Variants in ATXN7 observed in about 807,000 individuals in gnomAD.
ATXN7 encodes ataxin 7, also known as ataxin-7.
A neutral mutation model predicts 70.5 loss-of-function variants in ATXN7; 12 were observed. The ratio of observed to expected loss-of-function variants is 0.17; its 90% CI spans 0.11 to 0.28. The LOEUF (loss-of-function observed/expected upper bound fraction) is 0.28, where lower values mean the gene tolerates loss of function less well. Among genes scored for constraint, ATXN7 ranks in the 10% least tolerant of loss-of-function variants. ATXN7 has a pLI of 1.00. For synonymous variants in ATXN7, 498 were observed against 448.7 expected, an observed-to-expected ratio of 1.11 and a Z score of -1.39; for missense variants, 1,256 against 1,131.7, an observed-to-expected ratio of 1.11 and a Z score of -1.58.
At chr3:63,867,340 T>C (rs1319157813) in intron 1 of ATXN7, among the ~76,000 whole-genome samples, 1 of 152,162 alleles carries the variant, frequency 6.6e-6, no homozygotes, top group Non-Finnish European at 1.5e-5. Context: ...TCTTTCTTCT[T>C]TTTTCCTTTT....
intron 1 of ATXN7, among the ~76,000 whole-genome samples, chr3:63,881,763 C>T (rs964714450): frequency 4.6e-5 from 7 of 152,180 alleles, no homozygotes; most frequent in Non-Finnish European, 1.0e-4. Flanking sequence ...GTTGGGATTA[C>T]AGGCGTGAGC....
chr3:63,863,610 G>A (rs1398985595), upstream of ATXN7: 14 of 1,195,554 alleles, frequency 1.2e-5, no homozygotes, highest in African/African-American at 3.2e-5. Flanking sequence ...AAGCAGCCGG[G>A]GAGGCCCGGG....
chr3:63,892,505 A>C (rs965898345), intron 1 of ATXN7, among the ~76,000 whole-genome samples: 1 of 151,404 alleles, frequency 6.6e-6, no homozygotes, highest in African/African-American at 2.4e-5. Context: ...CCACACACAC[A>C]CACACACACC....
At chr3:63,977,878 G>C (rs1446522538) in intron 5 of ATXN7, among the ~76,000 whole-genome samples, 2 of 152,166 alleles carry the variant, frequency 1.3e-5, no homozygotes, top group African/African-American at 4.8e-5. Flanking sequence ...AAAATGTTGA[G>C]TTTTAAAAAA....
intron 8 of ATXN7, 64 bp from the exon 9 acceptor site, chr3:63,987,995 G>T: frequency 6.3e-7 from 1 of 1,583,966 alleles, no homozygotes; most frequent in Non-Finnish European, 8.6e-7. Context: ...GGTGTTTTGG[G>T]ATATAAGGCA....
Position 63,996,406 on chromosome 3 carries a change from G to T in ATXN7, c.2584G>T (p.Val862Leu), listed in dbSNP as rs3774729. ...CACAAAGGTTGCCAAAGTGCCAGCC[G>T]TGAACAATGTCCACATGAAACACAC... is the stretch of plus-strand genomic sequence containing the variant. Reference protein sequence around the residue: ...KPTKVAKVPAVNNVHMKHTGT... With the variant: ...KPTKVAKVPALNNVHMKHTGT... The change falls in exon 12 of 13, where the codon GTG becomes TTG. Residue 862 changes from valine to leucine, a missense_variant. Physicochemically the swap from Val to Leu is conservative, Grantham distance 32 (BLOSUM62 1). Coordinates refer to ENST00000674280, the MANE Select transcript of ATXN7 (RefSeq NM_001377405.1). 1.2e-6 allele frequency: 2 copies of T among 1,613,766 alleles called. No individual in the cohort carries two copies. Among genetic ancestry groups the T allele is most frequent in the Non-Finnish European group, 1.7e-6 (2 of 1,179,966 alleles).
At chr3:63,970,487 T>G (rs1311067878) in intron 5 of ATXN7, among the ~76,000 whole-genome samples, 1 of 152,206 alleles carries the variant, frequency 6.6e-6, no homozygotes, top group East Asian at 1.9e-4. Flanking sequence ...TCCCTATCAT[T>G]CCGTATTTTT....
intron 4 of ATXN7, among the ~76,000 whole-genome samples, chr3:63,930,189 G>T (rs1166432041): frequency 6.6e-6 from 1 of 152,160 alleles, no homozygotes; most frequent in Admixed American, 6.5e-5. Context: ...AAATTTACCA[G>T]CCCCTGTTCA....
intron 4 of ATXN7, among the ~76,000 whole-genome samples, chr3:63,945,561 G>A (rs751659846): frequency 3.3e-5 from 5 of 152,128 alleles, no homozygotes; most frequent in Non-Finnish European, 2.9e-5. Flanking sequence ...TCTGACTTAC[G>A]GTGGCATCAC....
At chr3:63,957,957 C>A (rs1473220315) in intron 5 of ATXN7, among the ~76,000 whole-genome samples, 3 of 151,964 alleles carry the variant, frequency 2.0e-5, no homozygotes, top group African/African-American at 7.3e-5. Context: ...AAGACAAATA[C>A]CCTTTGTCAC....
intron 6 of ATXN7, among the ~76,000 whole-genome samples, chr3:63,980,950 T>G (rs1200030262): frequency 6.6e-6 from 1 of 152,162 alleles, no homozygotes. Flanking sequence ...CTCAGTAGAT[T>G]GACAGGTTTC....
intron 1 of ATXN7, among the ~76,000 whole-genome samples, chr3:63,883,393 A>G (rs1477383016): frequency 2.0e-5 from 3 of 152,154 alleles, no homozygotes; most frequent in Non-Finnish European, 4.4e-5. Context: ...GAGGTGAAGA[A>G]TTGTCCAGTG....
chr3:63,889,590 G>A (rs1377331134), intron 1 of ATXN7, among the ~76,000 whole-genome samples: 11 of 152,244 alleles, frequency 7.2e-5, no homozygotes, highest in African/African-American at 2.2e-4. Context: ...GACAAAATAC[G>A]GAGAATATTC....
chr3:63,959,652 TTCTC>T (rs2075093164), intron 5 of ATXN7, among the ~76,000 whole-genome samples: 1 of 152,232 alleles, frequency 6.6e-6, no homozygotes, highest in Admixed American at 6.5e-5. Flanking sequence ...TAAAGGTTTA[TTCTC>T]TCTCAGCTAA....
Position 63,952,835 on chromosome 3 carries a change from C to CTTTTTTTTTTTTTTTTTTT in ATXN7, c.499+365_499+383dup, listed in dbSNP as rs59256288. ...ACACTCACAATATGGATGCATGGGCCTTTTTTTTTTTTTTTTTTTTTTTTT... is the reference window on the plus strand; with the variant it reads ...ACACTCACAATATGGATGCATGGGCCTTTTTTTTTTTTTTTTTTTTTTTTTTTTTTTTTTTTTTTTTTTT... On this transcript the variant is annotated intron_variant, in intron 5 of 12. Coordinates refer to ENST00000674280, the MANE Select transcript of ATXN7 (RefSeq NM_001377405.1). Among the ~76,000 whole-genome samples the CTTTTTTTTTTTTTTTTTTT allele has an allele frequency of 2.2e-4, 11 of 49,162 alleles. 2 individuals carry two copies. Among genetic ancestry groups the CTTTTTTTTTTTTTTTTTTT allele is most frequent in the African/African-American group, 6.1e-4 (6 of 9,806 alleles). 32.3% of individuals were successfully genotyped at this position (49,162 alleles called of 152,430 possible).
intron 1 of ATXN7, chr3:63,864,375 T>A (rs1015380940): frequency 1.3e-5 from 2 of 151,166 alleles, no homozygotes; most frequent in African/African-American, 4.9e-5. Context: ...GGACTAGGGG[T>A]ACCGAGGGGG....
Position 63,995,718 on chromosome 3 carries a change from A to G in ATXN7, c.1896A>G (p.Ser632=). ...GTTLNAQPAA[S]GAMDPVCSMQ... ...CACTAAATGCACAGCCTGCTGCTTCAGGGGCGATGGATCCTGTGTGCAGTA... is the reference window on the plus strand; with the variant it reads ...CACTAAATGCACAGCCTGCTGCTTCGGGGGCGATGGATCCTGTGTGCAGTA... Residue 632 remains serine, a synonymous_variant, in exon 12 of 13, where the codon TCA becomes TCG. Coordinates refer to ENST00000674280, the MANE Select transcript of ATXN7 (RefSeq NM_001377405.1). The G allele has an allele frequency of 6.2e-7, 1 of 1,614,218 alleles. No homozygotes were observed. The highest frequency in any genetic ancestry group is 8.5e-7 in the Non-Finnish European group (1 of 1,180,034).
At chr3:63,998,119 C>CA in intron 12 of ATXN7, 1 of 983,728 alleles carries the variant, frequency 1.0e-6, no homozygotes, top group Non-Finnish European at 1.2e-6. Flanking sequence ...ATGTCCATCT[C>CA]ACATCTGTAT....
chr3:63,995,700 T>A lies in ATXN7; in HGVS notation c.1878T>A (p.Asn626Lys). 6.2e-7 allele frequency: 1 copy of A among 1,614,208 alleles called. No individual in the cohort carries two copies. The highest frequency in any genetic ancestry group is 8.5e-7 in the Non-Finnish European group (1 of 1,180,030). ...TACCAGCTCATGGAACCACACTAAA[T>A]GCACAGCCTGCTGCTTCAGGGGCGA... The part of the protein sequence containing the change: ...KSVPAHGTTL[N>K]AQPAASGAMD... Residue 626 changes from asparagine (N) to lysine (K), a missense_variant, in exon 12 of 13, where the codon AAT becomes AAA. Physicochemically the swap from Asn to Lys is moderately conservative, Grantham distance 94. Coordinates refer to ENST00000674280, the MANE Select transcript of ATXN7 (RefSeq NM_001377405.1).
Sources: allele counts gnomAD v4.1 joint callset (sites outside exome capture counted in the v4.1 genomes callset), GRCh38; gene constraint gnomAD v4.1.1; transcripts MANE v1.5; gene names NCBI Gene and HGNC (gene_info 2026-07-23, HGNC 2026-07-21).